Variants in ABCD2 observed in about 807,000 individuals in gnomAD.
ABCD2 encodes ATP-binding cassette sub-family D member 2.
A neutral mutation model predicts 70.9 loss-of-function variants in ABCD2; 36 were observed. The observed-to-expected ratio is 0.51, with a 90% CI of 0.39 to 0.67. The LOEUF (loss-of-function observed/expected upper bound fraction) is 0.67. Ranked by LOEUF, ABCD2 falls within the 30% of genes least tolerant of loss-of-function variation. ABCD2 has a pLI of 0.00. For missense variants in ABCD2, 729 were observed against 890.2 expected, an observed-to-expected ratio of 0.82 and a Z score of 2.30; for synonymous variants, 304 against 306.9, an observed-to-expected ratio of 0.99 and a Z score of 0.10.
chr12:39,576,804 T>C (rs762382942), intron 8 of ABCD2, among the ~76,000 whole-genome samples: 7 of 152,124 alleles, frequency 4.6e-5, no homozygotes, highest in Non-Finnish European at 1.0e-4. Flanking sequence ...GTAACAGAAA[T>C]GTTTTTTTAT....
At chr12:39,579,927 T>C (rs983291126) in intron 7 of ABCD2, among the ~76,000 whole-genome samples, 2 of 152,184 alleles carry the variant, frequency 1.3e-5, no homozygotes, top group African/African-American at 4.8e-5. Context: ...ATACTTATCT[T>C]GGAGGGAGAT....
chr12:39,594,435 C>T (rs1941787305), intron 6 of ABCD2, among the ~76,000 whole-genome samples: 2 of 152,234 alleles, frequency 1.3e-5, no homozygotes, highest in South Asian at 4.1e-4. Flanking sequence ...GATGCTCAAT[C>T]CTGGTTCAGG....
At chr12:39,610,481 T>C (rs565308875) in intron 2 of ABCD2, among the ~76,000 whole-genome samples, 21 of 152,214 alleles carry the variant, frequency 1.4e-4, no homozygotes, top group Admixed American at 3.3e-4. Context: ...ACAATTTAGA[T>C]AGCCACAAAA....
At chr12:39,538,163 C>CTTTTT in the ABCD2 span, among the ~76,000 whole-genome samples, 1 of 144,198 alleles carries the variant, frequency 6.9e-6, no homozygotes, top group African/African-American at 2.6e-5. Flanking sequence ...CTTTCATTTT[C>CTTTTT]TTTCTTTCTT....
At chr12:39,549,848 C>G (rs1941063759), downstream of ABCD2, among the ~76,000 whole-genome samples, 1 of 151,770 alleles carries the variant, frequency 6.6e-6, no homozygotes, top group Non-Finnish European at 1.5e-5. Flanking sequence ...AATTACTTAA[C>G]CTTTCTCTCC....
the ABCD2 span, among the ~76,000 whole-genome samples, chr12:39,534,812 AAAGG>A: frequency 1.3e-5 from 2 of 149,740 alleles, no homozygotes; most frequent in South Asian, 2.1e-4. Context: ...GAAAGAAAAG[AAAGG>A]AAGGAAGGAA....
At chr12:39,581,003 G>T (rs1343504917) in intron 7 of ABCD2, among the ~76,000 whole-genome samples, 3 of 152,060 alleles carry the variant, frequency 2.0e-5, no homozygotes, top group African/African-American at 7.2e-5. Context: ...AAGTTTAGAG[G>T]CTTTGATGAA....
intron 9 of ABCD2, among the ~76,000 whole-genome samples, chr12:39,569,261 G>A (rs1204901521): frequency 6.6e-6 from 1 of 152,214 alleles, no homozygotes; most frequent in African/African-American, 2.4e-5. Flanking sequence ...TCCTTGAGCT[G>A]TGGTGGGCTC....
chr12:39,581,900 T>C (rs4595585), intron 7 of ABCD2, among the ~76,000 whole-genome samples: 11,285 of 152,240 alleles, frequency 0.074, 603 homozygotes, highest in South Asian at 0.28. Flanking sequence ...TTTTCCTGCT[T>C]CCTAGAGATG....
chr12:39,608,000 G>A (rs979819713), intron 2 of ABCD2, among the ~76,000 whole-genome samples: 81 of 151,702 alleles, frequency 5.3e-4, no homozygotes, highest in Non-Finnish European at 7.4e-5. Flanking sequence ...AAACCTTGTC[G>A]CTACTAAAAT....
chr12:39,532,731 G>T, the ABCD2 span, among the ~76,000 whole-genome samples: 1 of 152,042 alleles, frequency 6.6e-6, no homozygotes, highest in African/African-American at 2.4e-5. Context: ...AAAGTAGTAG[G>T]CACTTACAAA....
downstream of ABCD2, among the ~76,000 whole-genome samples, chr12:39,548,307 T>A (rs559925801): frequency 8.5e-5 from 13 of 152,116 alleles, no homozygotes; most frequent in Non-Finnish European, 1.8e-4. Context: ...AATGTACTTT[T>A]GATTCATGAT....
intron 9 of ABCD2, among the ~76,000 whole-genome samples, chr12:39,559,280 G>A (rs1462323166): frequency 1.3e-5 from 2 of 151,368 alleles, no homozygotes; most frequent in African/African-American, 4.9e-5. Flanking sequence ...GCTGAGGCAG[G>A]GCAGGAGAAT....
intron 9 of ABCD2, among the ~76,000 whole-genome samples, chr12:39,560,576 T>G (rs946935540): frequency 2.0e-5 from 3 of 152,162 alleles, no homozygotes; most frequent in African/African-American, 7.2e-5. Flanking sequence ...AAATTCAAAA[T>G]GGGGAGATGA....
At chr12:39,547,381 A>G (rs1338774701), downstream of ABCD2, among the ~76,000 whole-genome samples, 1 of 152,156 alleles carries the variant, frequency 6.6e-6, no homozygotes, top group African/African-American at 2.4e-5. Context: ...GTACAACCAT[A>G]TTCACACAGC....
intron 9 of ABCD2, among the ~76,000 whole-genome samples, chr12:39,560,995 A>C (rs2120546523): frequency 6.6e-6 from 1 of 152,296 alleles, no homozygotes; most frequent in East Asian, 1.9e-4. Flanking sequence ...AAAAGGAAGA[A>C]AATATCTACA....
intron 4 of ABCD2, 98 bp from the exon 5 acceptor site, chr12:39,604,104 A>G: frequency 1.3e-6 from 1 of 784,604 alleles, no homozygotes; most frequent in East Asian, 2.8e-5. Flanking sequence ...TTCAATTATA[A>G]AGATAATTCA....
chr12:39,602,695 T>C (rs1941916632), intron 5 of ABCD2, among the ~76,000 whole-genome samples: 1 of 152,184 alleles, frequency 6.6e-6, no homozygotes, highest in African/African-American at 2.4e-5. Context: ...TGAGTATTTT[T>C]AGTTTAGTTT....
chr12:39,609,835 C>A (rs980499515), intron 2 of ABCD2, among the ~76,000 whole-genome samples: 2 of 152,086 alleles, frequency 1.3e-5, no homozygotes, highest in Non-Finnish European at 2.9e-5. Context: ...GTAAAATTCA[C>A]CCAGCATGTA....
Sources: allele counts gnomAD v4.1 joint callset (sites outside exome capture counted in the v4.1 genomes callset), GRCh38; gene constraint gnomAD v4.1.1; transcripts MANE v1.5; gene names NCBI Gene and HGNC (gene_info 2026-07-23, HGNC 2026-07-21).